MYO16: variants seen among roughly 807,000 people sequenced by gnomAD.
MYO16 encodes myosin XVI, also known as unconventional myosin-XVI.
MYO16 carries 94 observed loss-of-function variants against 205.3 expected under a neutral mutation model. The ratio of observed to expected loss-of-function variants is 0.46; its 90% CI spans 0.39 to 0.54. The LOEUF (loss-of-function observed/expected upper bound fraction) is 0.54, where lower values mean the gene tolerates loss of function less well. Among genes scored for constraint, MYO16 ranks in the 20% least tolerant of loss-of-function variants. The pLI is 0.00. For synonymous variants in MYO16, 988 were observed against 954.0 expected (o/e 1.04, Z -0.66); for missense variants, 2,315 against 2,387.5 (o/e 0.97, Z 0.63).
intron 4 of MYO16, among the ~76,000 whole-genome samples, chr13:108,772,605 G>A (rs61968771): frequency 4.9e-4 from 75 of 152,150 alleles, no homozygotes; most frequent in Non-Finnish European, 9.7e-4. Flanking sequence ...AAAAAAATGC[G>A]ATCAAGTGCA....
intron 20 of MYO16, among the ~76,000 whole-genome samples, chr13:108,968,038 G>A (rs540233598): frequency 6.6e-6 from 1 of 152,314 alleles, no homozygotes; most frequent in Admixed American, 6.5e-5. Flanking sequence ...GTATGCGAAT[G>A]TCATTATTAC....
chr13:108,627,606 C>G (rs139618147), upstream of MYO16, among the ~76,000 whole-genome samples: 4 of 152,088 alleles, frequency 2.6e-5, no homozygotes, highest in Admixed American at 2.6e-4. Context: ...TGATAATGAG[C>G]CCCTGGAGAT....
chr13:108,550,734 G>GA, the MYO16 span, among the ~76,000 whole-genome samples: 4 of 151,960 alleles, frequency 2.6e-5, 1 homozygote, highest in African/African-American at 4.8e-5. Flanking sequence ...CTCTCTTTTG[G>GA]AAAAAACAAA....
At chr13:108,992,816 G>A (rs1167638299) in intron 21 of MYO16, among the ~76,000 whole-genome samples, 2 of 152,158 alleles carry the variant, frequency 1.3e-5, no homozygotes, top group Admixed American at 1.3e-4. Flanking sequence ...AAAATGCTCT[G>A]TTATGCTACA....
the MYO16 span, among the ~76,000 whole-genome samples, chr13:108,534,941 C>T: frequency 6.7e-6 from 1 of 149,262 alleles, no homozygotes; most frequent in Non-Finnish European, 1.5e-5. Flanking sequence ...TTCCTCTCTT[C>T]TTTCTTCTTC....
At chr13:108,734,852 G>T (rs1884637881) in intron 4 of MYO16, among the ~76,000 whole-genome samples, 1 of 152,214 alleles carries the variant, frequency 6.6e-6, no homozygotes, top group Admixed American at 6.5e-5. Flanking sequence ...CAGCGTGTCA[G>T]CTTGGTGGCC....
At chr13:108,681,201 A>AT (rs1470000275) in intron 2 of MYO16, among the ~76,000 whole-genome samples, 1 of 152,082 alleles carries the variant, frequency 6.6e-6, no homozygotes, top group Non-Finnish European at 1.5e-5. Context: ...TAATATGGCT[A>AT]TTTTTTTCTA....
chr13:109,023,670 A>AATATATGTATATATATATGT (rs1886222649), intron 23 of MYO16, among the ~76,000 whole-genome samples: 1 of 64,874 alleles, frequency 1.5e-5, no homozygotes, highest in Non-Finnish European at 3.2e-5. Flanking sequence ...TATATATGCA[A>AATATATGTATATATATATGT]ATATATGTAT....
chr13:108,574,248 T>C, the MYO16 span, among the ~76,000 whole-genome samples: 1 of 152,184 alleles, frequency 6.6e-6, no homozygotes, highest in Admixed American at 6.5e-5. Context: ...TGTCTCTTGT[T>C]GGCATCCAGC....
intron 16 of MYO16, among the ~76,000 whole-genome samples, chr13:108,939,475 A>T (rs1263346735): frequency 6.6e-6 from 1 of 152,148 alleles, no homozygotes; most frequent in Non-Finnish European, 1.5e-5. Flanking sequence ...GTGTCTTCAC[A>T]ATTCTGCTAG....
chr13:108,668,720 C>G (rs533787088), intron 2 of MYO16, among the ~76,000 whole-genome samples: 1 of 152,160 alleles, frequency 6.6e-6, no homozygotes, highest in African/African-American at 2.4e-5. Context: ...TTCTGCCTCC[C>G]TCTTGCACCT....
chr13:108,796,756 G>GCTCCA (rs1886801818), intron 6 of MYO16, among the ~76,000 whole-genome samples: 1 of 101,108 alleles, frequency 9.9e-6, no homozygotes, highest in South Asian at 4.0e-4. Flanking sequence ...ATCACACACT[G>GCTCCA]GGGCCTGTTG....
chr13:108,749,635 A>G (rs1241152173), intron 4 of MYO16, among the ~76,000 whole-genome samples: 3 of 152,224 alleles, frequency 2.0e-5, no homozygotes, highest in Non-Finnish European at 4.4e-5. Flanking sequence ...TGAGACATTC[A>G]GAGGTAACGA....
intron 16 of MYO16, among the ~76,000 whole-genome samples, chr13:108,923,652 T>C (rs1881848980): frequency 6.6e-6 from 1 of 152,242 alleles, no homozygotes; most frequent in Non-Finnish European, 1.5e-5. Flanking sequence ...CCGGGGTGTT[T>C]GGGTCCGGAG....
chr13:109,038,130 A>AT (rs1012259708), intron 23 of MYO16, among the ~76,000 whole-genome samples: 3 of 152,034 alleles, frequency 2.0e-5, no homozygotes, highest in Admixed American at 6.6e-5. Context: ...CAAGTTAGAT[A>AT]TTTTTTTTCC....
At chr13:108,703,106 G>A (rs1285377316) in intron 2 of MYO16, among the ~76,000 whole-genome samples, 1 of 145,210 alleles carries the variant, frequency 6.9e-6, no homozygotes, top group Non-Finnish European at 1.5e-5. Flanking sequence ...TAATATAAAT[G>A]GATTTAATAC....
intron 2 of MYO16, among the ~76,000 whole-genome samples, chr13:108,712,192 G>T (rs1161698734): frequency 6.6e-6 from 1 of 152,190 alleles, no homozygotes; most frequent in Admixed American, 6.5e-5. Context: ...GAGAATGGTG[G>T]AAACATTGCC....
At chr13:108,826,059 A>C (rs953094646) in intron 9 of MYO16, among the ~76,000 whole-genome samples, 1 of 152,044 alleles carries the variant, frequency 6.6e-6, no homozygotes, top group Admixed American at 6.6e-5. Context: ...ACTTTTTGCA[A>C]AAATTGATAG....
intron 4 of MYO16, among the ~76,000 whole-genome samples, chr13:108,733,918 G>C (rs752678482): frequency 6.6e-6 from 1 of 152,144 alleles, no homozygotes; most frequent in African/African-American, 2.4e-5. Flanking sequence ...GCAGTGAGCC[G>C]AGATCGCGCC....
Sources: gnomAD v4.1 joint callset for allele counts (sites outside exome capture counted in the v4.1 genomes callset) on GRCh38, gnomAD v4.1.1 for gene constraint, MANE v1.5 for transcripts, NCBI Gene and HGNC (gene_info 2026-07-23, HGNC 2026-07-21) for gene names.